RGMA: variants seen among roughly 807,000 people sequenced by gnomAD.
RGMA encodes repulsive guidance molecule BMP co-receptor a, also known as repulsive guidance molecule A.
A neutral mutation model predicts 23.2 loss-of-function variants in RGMA; 10 were observed. The ratio of observed to expected loss-of-function variants is 0.43; its 90% CI spans 0.27 to 0.73. The LOEUF is 0.73. Ranked by LOEUF, RGMA falls within the 30% of genes least tolerant of loss-of-function variation. RGMA has a pLI of 0.20. For synonymous variants in RGMA, 308 were observed against 279.3 expected (o/e 1.10, Z -1.03); for missense variants, 547 against 630.5 (o/e 0.87, Z 1.42).
chr15:93,086,371 G>A (rs1319632366), intron 1 of RGMA, among the ~76,000 whole-genome samples: 9 of 152,142 alleles, frequency 5.9e-5, no homozygotes, highest in African/African-American at 2.2e-4. Context: ...GATACTTCCT[G>A]CCTCTTTCCC....
chr15:93,070,130 G>C (rs1895277327), intron 2 of RGMA, among the ~76,000 whole-genome samples: 1 of 152,196 alleles, frequency 6.6e-6, no homozygotes, highest in African/African-American at 2.4e-5. Context: ...GAGGGGCTTG[G>C]TTAGAAGGCT....
At chr15:93,049,259 G>A (rs2054878644) in intron 3 of RGMA, among the ~76,000 whole-genome samples, 1 of 152,222 alleles carries the variant, frequency 6.6e-6, no homozygotes, top group Non-Finnish European at 1.5e-5. Flanking sequence ...GCCTGGTGCT[G>A]GGGGCTCGGG....
Position 93,045,763 on chromosome 15 carries a change from C to A in RGMA, c.646-58G>T. ...AGGCACAGTGGGAGGAGGCACAGCC[C>A]CACACTTAAGATGCTCTAGACTGAG... On this transcript the variant is annotated intron_variant, in intron 3 of 3. Transcript: ENST00000329082. The surrounding 1 kb of genome is among the most constrained non-coding windows in gnomAD (Gnocchi z 6.9). 1 of 1,270,270 alleles carries A rather than the reference C, an allele frequency of 7.9e-7. No individual in the cohort carries two copies. Among genetic ancestry groups the A allele is most frequent in the Non-Finnish European group, 1.1e-6 (1 of 888,146 alleles). The allele number at this position is 1,270,270 out of a possible 1,614,324, so 78.7% of individuals were successfully genotyped here. A position where few individuals can be genotyped will look rare whatever the true frequency, so the allele number is the denominator to read the frequency against.
chr15:93,068,434 A>G (rs1895224137), intron 2 of RGMA, among the ~76,000 whole-genome samples: 1 of 152,110 alleles, frequency 6.6e-6, no homozygotes, highest in African/African-American at 2.4e-5. Context: ...TCTCCATCTC[A>G]TAGAGTGGCC....
At chr15:93,084,973 G>C (rs1895615078) in intron 1 of RGMA, among the ~76,000 whole-genome samples, 1 of 152,092 alleles carries the variant, frequency 6.6e-6, no homozygotes, top group Admixed American at 6.5e-5. Context: ...ACCTAATCTT[G>C]TTTAAAGACA....
At chr15:93,063,764 C>T (rs917546714) in intron 2 of RGMA, among the ~76,000 whole-genome samples, 3 of 152,178 alleles carry the variant, frequency 2.0e-5, no homozygotes, top group African/African-American at 7.2e-5. Context: ...TGGAAATTTT[C>T]TAGGAGGTTT....
chr15:93,087,031 GCCAC>G (rs1895643922), intron 1 of RGMA, among the ~76,000 whole-genome samples: 1 of 152,184 alleles, frequency 6.6e-6, no homozygotes, highest in Admixed American at 6.5e-5. Context: ...GGGCAGACCA[GCCAC>G]CCACCATTTC....
chr15:93,073,882 C>T (rs1337834310), intron 1 of RGMA: 16 of 1,467,992 alleles, frequency 1.1e-5, no homozygotes, highest in Non-Finnish European at 4.5e-6. Flanking sequence ...GGCACAGCTG[C>T]CACTCCAGAG....
In RGMA at chr15:93,065,890, T is replaced by C. The variant is rs373515205; in HGVS notation, c.130+7026A>G. 167 of 720,476 alleles carry C rather than the reference T, an allele frequency of 2.3e-4. No individual in the cohort carries two copies. The South Asian group carries it at 2.4e-3, about 10-fold the overall frequency. The allele number at this position is 720,476 out of a possible 1,614,324, so 44.6% of individuals were successfully genotyped here. On this transcript the variant is annotated intron_variant, in intron 2 of 3. Coordinates refer to ENST00000329082, the MANE Select transcript of RGMA (RefSeq NM_020211.3). ...TTTGGGCTCTACCCCGTCAGTGCTC[T>C]CTGTAGGCTGTTGCTGGCTGGGGGG...
At chr15:93,086,384 G>C (rs1351236088) in intron 1 of RGMA, among the ~76,000 whole-genome samples, 1 of 152,140 alleles carries the variant, frequency 6.6e-6, no homozygotes, top group Non-Finnish European at 1.5e-5. Flanking sequence ...TCTTTCCCTG[G>C]ATGGCAGGCT....
chr15:93,061,560 T>C (rs902626332), intron 2 of RGMA, among the ~76,000 whole-genome samples: 1 of 152,216 alleles, frequency 6.6e-6, no homozygotes, highest in African/African-American at 2.4e-5. Context: ...TTCACTCTTT[T>C]GGGGAGGGGG....
chr15:93,073,665 C>T (rs1895415292), intron 1 of RGMA: 3 of 1,537,142 alleles, frequency 2.0e-6, no homozygotes, highest in Non-Finnish European at 2.6e-6. Flanking sequence ...AACCCACTTC[C>T]GAGTTGTCTA....
chr15:93,050,926 G>A lies in RGMA; in HGVS notation c.645+1067C>T, dbSNP rs138226857. ...TCTCAGGAGGGCGGGTGGTGGGGAG[G>A]TGCAGGGGCCGTGGGGGAGGTGGCT... On this transcript the variant is annotated intron_variant, in intron 3 of 3. Coordinates refer to ENST00000329082, the MANE Select transcript of RGMA (RefSeq NM_020211.3). 5.7e-3 allele frequency among the ~76,000 whole-genome samples: 866 copies of A among 152,282 alleles called. 8 individuals carry two copies. Among genetic ancestry groups the A allele is most frequent in the African/African-American group, 0.02 (818 of 41,544 alleles).
intron 2 of RGMA, among the ~76,000 whole-genome samples, chr15:93,064,709 A>C (rs1895083996): frequency 6.6e-6 from 1 of 152,228 alleles, no homozygotes; most frequent in Admixed American, 6.5e-5. Flanking sequence ...CATGAAATGA[A>C]TCCATAAGCA....
intron 1 of RGMA, chr15:93,073,514 T>A: frequency 7.2e-7 from 1 of 1,389,246 alleles, no homozygotes; most frequent in East Asian, 2.5e-5. Flanking sequence ...CCTCCACGAA[T>A]ATCCAATCCA....
chr15:93,065,668 T>C, intron 2 of RGMA: 2 of 1,087,568 alleles, frequency 1.8e-6, no homozygotes, highest in Non-Finnish European at 2.7e-6. Context: ...GGCCGGGGCC[T>C]GCTGCCCTCT....
intron 1 of RGMA, 143 bp from the exon 2 acceptor site, chr15:93,073,174 GC>G (rs1481584464): frequency 8.3e-6 from 10 of 1,203,090 alleles, no homozygotes; most frequent in Non-Finnish European, 8.3e-6. Flanking sequence ...TTCCCGCGCC[GC>G]CCCCCGCGCG....
chr15:93,040,972 G>A lies in RGMA; in HGVS notation c.*4026C>T, dbSNP rs565716903. 8.5e-5 allele frequency: 13 copies of A among 152,222 alleles called. No individual in the cohort carries two copies. The highest frequency in any genetic ancestry group is 2.9e-4 in the African/African-American group (12 of 41,530). 9.4% of individuals were successfully genotyped at this position (152,222 alleles called of 1,614,324 possible). A position where few individuals can be genotyped will look rare whatever the true frequency, so the allele number is the denominator to read the frequency against. On this transcript the variant is annotated 3_prime_UTR_variant, in exon 4 of 4. Transcript: ENST00000329082. ...GAATCTAAGGCTCAAAAAATCCCAA[G>A]GAGACCACACAGCTCGCGACGGGTT...
At chr15:93,067,557 C>CG (rs139479249) in intron 2 of RGMA, among the ~76,000 whole-genome samples, 8,867 of 152,120 alleles carry the variant, frequency 0.058, 374 homozygotes, top group Middle Eastern at 0.1. Flanking sequence ...TCCCCGGCGT[C>CG]GGGGGGGTCT....
Sources: allele counts gnomAD v4.1 joint callset (sites outside exome capture counted in the v4.1 genomes callset), GRCh38; gene constraint gnomAD v4.1.1; non-coding constraint Gnocchi (gnomAD v3.1); transcripts MANE v1.5; gene names NCBI Gene and HGNC (gene_info 2026-07-23, HGNC 2026-07-21).